SYT1: variants seen among roughly 807,000 people sequenced by gnomAD.
The protein encoded by SYT1 is synaptotagmin 1.
SYT1 carries 8 observed loss-of-function variants against 44.8 expected under a neutral mutation model. That is an observed-to-expected ratio of 0.18 (90% confidence interval 0.10 to 0.32). SYT1 has a LOEUF of 0.32. Among genes scored for constraint, SYT1 ranks in the 10% least tolerant of loss-of-function variants. The pLI is 1.00. For synonymous variants in SYT1, 154 were observed against 188.8 expected (o/e 0.82, Z 1.51); for missense variants, 286 against 509.3 (o/e 0.56, Z 4.22).
intron 1 of SYT1, among the ~76,000 whole-genome samples, chr12:78,883,789 T>C (rs1874589870): frequency 6.6e-6 from 1 of 151,712 alleles, no homozygotes; most frequent in African/African-American, 2.4e-5. Context: ...CTTCTTCAGT[T>C]ATATTATAAA....
chr12:79,397,713 T>A (rs1050884806), intron 9 of SYT1, among the ~76,000 whole-genome samples: 1 of 152,216 alleles, frequency 6.6e-6, no homozygotes, highest in Non-Finnish European at 1.5e-5. Context: ...ATAATGGTTT[T>A]TCTTTATCAT....
At chr12:79,215,986 C>T (rs1045393224) in intron 3 of SYT1, among the ~76,000 whole-genome samples, 5 of 118,396 alleles carry the variant, frequency 4.2e-5, no homozygotes, top group Non-Finnish European at 6.3e-5. Flanking sequence ...GGCTGGAGTG[C>T]AGTAGCACAA....
intron 1 of SYT1, among the ~76,000 whole-genome samples, chr12:78,959,941 A>T (rs1879418062): frequency 6.6e-6 from 1 of 152,216 alleles, no homozygotes; most frequent in African/African-American, 2.4e-5. Context: ...GTAAACAAAT[A>T]AACACTACTG....
intron 1 of SYT1, among the ~76,000 whole-genome samples, chr12:78,871,836 G>T (rs981998474): frequency 8.6e-5 from 13 of 151,510 alleles, no homozygotes; most frequent in African/African-American, 2.9e-4. Flanking sequence ...GAACTATTGG[G>T]CATTAGAGCA....
At chr12:79,358,550 C>A (rs1206177494) in intron 9 of SYT1, among the ~76,000 whole-genome samples, 1 of 152,118 alleles carries the variant, frequency 6.6e-6, no homozygotes, top group Non-Finnish European at 1.5e-5. Context: ...GCATGTGGCA[C>A]ATAGATGGGG....
intron 3 of SYT1, among the ~76,000 whole-genome samples, chr12:79,151,121 A>G (rs7971148): frequency 0.07 from 10,628 of 152,168 alleles, 406 homozygotes; most frequent in African/African-American, 0.085. Context: ...AGAATGAAGA[A>G]AAGGGAAGAT....
In SYT1 at chr12:79,150,925, G is replaced by C. The variant is rs567665493; in HGVS notation, c.-17-66578G>C. Among the ~76,000 whole-genome samples the C allele has an allele frequency of 1.8e-4, 28 of 151,922 alleles. 1 individual carries two copies. The South Asian group carries it at 5.7e-3, about 31-fold the overall frequency. On this transcript the variant is annotated intron_variant, in intron 3 of 10. Transcript: ENST00000261205. ...GAGTTTAAATGTATTGAAGAGATAC[G>C]TTAAGTGCCTAGAAAAAAGGAAAAT...
intron 2 of SYT1, among the ~76,000 whole-genome samples, chr12:79,031,406 T>C (rs1872822693): frequency 6.6e-6 from 1 of 151,096 alleles, no homozygotes; most frequent in African/African-American, 2.4e-5. Context: ...GTTATTTTCT[T>C]AGCTTTGGCT....
intron 3 of SYT1, among the ~76,000 whole-genome samples, chr12:79,159,373 G>T (rs895951796): frequency 1.5e-4 from 23 of 152,268 alleles, no homozygotes; most frequent in Middle Eastern, 3.4e-3. Flanking sequence ...CAGAATGGCT[G>T]GGAAGGTTGA....
At chr12:79,276,380 C>CA (rs61019983) in intron 4 of SYT1, among the ~76,000 whole-genome samples, 51,763 of 151,098 alleles carry the variant, frequency 0.34, 9,210 homozygotes, top group East Asian at 0.58. Context: ...AAAAACAAAA[C>CA]AAAAAAAACA....
chr12:78,919,174 G>A (rs1470000692), intron 1 of SYT1, among the ~76,000 whole-genome samples: 2 of 151,886 alleles, frequency 1.3e-5, no homozygotes, highest in Admixed American at 6.6e-5. Context: ...TGTAATGAAA[G>A]TCTGTGTAAT....
At chr12:79,390,001 T>C (rs1299759974) in intron 9 of SYT1, among the ~76,000 whole-genome samples, 3 of 151,966 alleles carry the variant, frequency 2.0e-5, no homozygotes, top group South Asian at 2.1e-4. Flanking sequence ...GGCGCGATCT[T>C]GGCTCACTGC....
chr12:79,164,186 A>G (rs1219521777), intron 3 of SYT1, among the ~76,000 whole-genome samples: 4 of 152,230 alleles, frequency 2.6e-5, no homozygotes, highest in East Asian at 1.9e-4. Flanking sequence ...TAAAGGAAGT[A>G]ATTAAGAAAT....
intron 5 of SYT1, among the ~76,000 whole-genome samples, chr12:79,289,443 T>C (rs113753597): frequency 3.9e-5 from 6 of 152,302 alleles, no homozygotes; most frequent in African/African-American, 1.4e-4. Flanking sequence ...AGGAATAGAC[T>C]TAATCACTTC....
intron 3 of SYT1, among the ~76,000 whole-genome samples, chr12:79,132,672 C>T (rs143745857): frequency 1.6e-5 from 1 of 63,878 alleles, no homozygotes; most frequent in Non-Finnish European, 2.8e-5. Context: ...ATGGAGTTTT[C>T]TCAAAAAAAA....
intron 8 of SYT1, among the ~76,000 whole-genome samples, chr12:79,307,784 A>G (rs940493103): frequency 1.3e-5 from 2 of 152,244 alleles, no homozygotes; most frequent in Non-Finnish European, 2.9e-5. Flanking sequence ...TATGACTTGC[A>G]TGATCTCTCT....
In SYT1 at chr12:79,001,163, A is replaced by G. The variant is rs937290096; in HGVS notation, c.-84+23232A>G. Among the ~76,000 whole-genome samples the G allele has an allele frequency of 8.5e-5, 13 of 152,200 alleles. 1 individual carries two copies. The highest frequency in any genetic ancestry group is 2.4e-4 in the African/African-American group (10 of 41,540). Reference sequence around the variant, plus strand: ...AAACTTTCAGTAGCTAAAAATTGCCATTATTTAACCAGTTTACCTATTTTA... The same window carrying G: ...AAACTTTCAGTAGCTAAAAATTGCCGTTATTTAACCAGTTTACCTATTTTA... On this transcript the variant is annotated intron_variant, in intron 2 of 10. Transcript: ENST00000261205.
intron 3 of SYT1, among the ~76,000 whole-genome samples, chr12:79,173,773 T>C (rs1871693996): frequency 1.3e-5 from 2 of 151,996 alleles, no homozygotes; most frequent in South Asian, 4.1e-4. Context: ...CCAGTTAACA[T>C]TGGAGTGAAT....
chr12:79,125,617 C>CA (rs5799411), intron 3 of SYT1, among the ~76,000 whole-genome samples: 136 of 92,750 alleles, frequency 1.5e-3, no homozygotes, highest in African/African-American at 2.9e-3. Flanking sequence ...AAGCCCCTGT[C>CA]AAAAAAAAAA....
Sources: allele counts gnomAD v4.1 joint callset (sites outside exome capture counted in the v4.1 genomes callset), GRCh38; gene constraint gnomAD v4.1.1; transcripts MANE v1.5; gene names NCBI Gene and HGNC (gene_info 2026-07-23, HGNC 2026-07-21).